The following PP2D1 variants were observed in gnomAD, a reference collection of about 807,000 sequenced individuals.
The protein encoded by PP2D1 is protein phosphatase 2C like domain containing 1, also known as protein phosphatase 2C-like domain-containing protein 1.
Under a neutral mutation model 30.2 loss-of-function variants are expected in PP2D1, and 25 were observed. The ratio of observed to expected loss-of-function variants is 0.83; its 90% CI spans 0.60 to 1.16. PP2D1 has a LOEUF of 1.16. Ranked by LOEUF, PP2D1 falls within the 50% of genes most tolerant of loss-of-function variation. The pLI, the probability that PP2D1 is intolerant of heterozygous loss-of-function variation, is 0.00. For synonymous variants in PP2D1, 260 were observed against 258.9 expected, an observed-to-expected ratio of 1.00 and a Z score of -0.04; for missense variants, 760 against 742.4, an observed-to-expected ratio of 1.02 and a Z score of -0.28.
In PP2D1 at chr3:19,985,643, T is replaced by TA; in HGVS notation, c.1629dup (p.Ile544TyrfsTer3). On this transcript the variant is annotated frameshift_variant, in exon 3 of 3. Coordinates refer to ENST00000389050, the MANE Select transcript of PP2D1 (RefSeq NM_001252657.2). LOFTEE classifies it low-confidence loss of function (END_TRUNC). Reference sequence around the variant, plus strand: ...GTTTCTACATTCTCAGGGTTATAAATACAGTATTTAGAATAGTTTGAATCG... The same window carrying TA: ...GTTTCTACATTCTCAGGGTTATAAATAACAGTATTTAGAATAGTTTGAATCG... The TA allele has an allele frequency of 1.3e-6, 2 of 1,535,922 alleles. No individual in the cohort carries two copies. The highest frequency in any genetic ancestry group is 8.7e-7 in the Non-Finnish European group (1 of 1,146,680).
chr3:19,992,385 A>G (rs1697129211), intron 2 of PP2D1, among the ~76,000 whole-genome samples: 1 of 152,200 alleles, frequency 6.6e-6, no homozygotes, highest in Non-Finnish European at 1.5e-5. Context: ...GGGAAGGTAT[A>G]TAAAATGTCA....
chr3:19,990,402 G>A (rs1321728283), intron 2 of PP2D1, among the ~76,000 whole-genome samples: 1 of 152,178 alleles, frequency 6.6e-6, no homozygotes, highest in Non-Finnish European at 1.5e-5. Context: ...CAAAATGCTT[G>A]GTTTCCCAAA....
Position 19,985,915 on chromosome 3 carries a change from G to C in PP2D1, c.1358C>G (p.Ala453Gly). 1 of 1,536,394 alleles carries C rather than the reference G, an allele frequency of 6.5e-7. No homozygotes were observed. Among genetic ancestry groups the C allele is most frequent in the Non-Finnish European group, 8.7e-7 (1 of 1,146,944 alleles). The change falls in exon 3 of 3, where the codon GCT becomes GGT. Residue 453 changes from alanine (A) to glycine (G), a missense_variant. Around this residue, in one of 3 missense-constraint regions of PP2D1, gnomAD observed 369 missense variants for 316.2 expected, o/e 1.17. Coordinates refer to ENST00000389050, the MANE Select transcript of PP2D1 (RefSeq NM_001252657.2). ...CAAAACTTCCCAAAGTCCATTAGTA[G>C]CTACAATAAGGAATTGACATAGGTC... ...IDDLCQFLIV[A>G]TNGLWEVLDK...
Position 20,001,490 on chromosome 3 carries a change from A to G in PP2D1, c.630T>C (p.His210=). Residue 210 remains histidine, a synonymous_variant, in exon 2 of 3, where the codon CAT becomes CAC. Coordinates refer to ENST00000389050, the MANE Select transcript of PP2D1 (RefSeq NM_001252657.2). The part of the protein sequence containing the change: ...NVCFFGLFDG[H]HGASAAELTS... ...TCAACTCTGCCGCTGAGGCACCGTG[A>G]TGTCCATCAAACAAACCAAAAAAAC... 6.5e-7 allele frequency: 1 copy of G among 1,536,288 alleles called. No homozygotes were observed. Among genetic ancestry groups the G allele is most frequent in the South Asian group, 1.2e-5 (1 of 84,064 alleles).
At chr3:20,010,039 G>T (rs902180854) in intron 1 of PP2D1, among the ~76,000 whole-genome samples, 2 of 151,714 alleles carry the variant, frequency 1.3e-5, no homozygotes, top group Non-Finnish European at 2.9e-5. Flanking sequence ...CACTAGCTTC[G>T]ACTGTCATCA....
At chr3:19,989,961 C>G (rs1046718292) in intron 2 of PP2D1, among the ~76,000 whole-genome samples, 2 of 151,820 alleles carry the variant, frequency 1.3e-5, no homozygotes, top group African/African-American at 2.4e-5. Flanking sequence ...TTTTAGTTAC[C>G]TCTGCAGAGA....
At chr3:19,999,705 T>C (rs952765915) in intron 2 of PP2D1, among the ~76,000 whole-genome samples, 1 of 152,192 alleles carries the variant, frequency 6.6e-6, no homozygotes, top group Admixed American at 6.5e-5. Flanking sequence ...AGACATTTAA[T>C]GACAGTATCC....
chr3:20,012,102 C>A lies in PP2D1; in HGVS notation c.-30G>T. 6.6e-7 allele frequency: 1 copy of A among 1,517,076 alleles called. No homozygotes were observed. The highest frequency in any genetic ancestry group is 8.8e-7 in the Non-Finnish European group (1 of 1,131,504). 94.0% of individuals were successfully genotyped at this position (1,517,076 alleles called of 1,614,324 possible). On this transcript the variant is annotated 5_prime_UTR_variant, in exon 1 of 3. Transcript: ENST00000389050. ...CTTTGGAATTACCTTTCTTTGCCCT[C>A]CCTTTATCCCCTTCCCCTGGCCTCT...
At chr3:19,999,720 A>C (rs147534692) in intron 2 of PP2D1, among the ~76,000 whole-genome samples, 66 of 152,286 alleles carry the variant, frequency 4.3e-4, no homozygotes, top group Middle Eastern at 3.4e-3. Context: ...GTATCCACTT[A>C]TTGAATATGT....
downstream of PP2D1, chr3:19,984,243 T>C (rs1428931387): frequency 1.2e-5 from 5 of 426,270 alleles, no homozygotes; most frequent in Non-Finnish European, 2.3e-5. Context: ...GATTCTAAAG[T>C]TATTTATGAT....
At chr3:20,010,161 T>C (rs943924412) in intron 1 of PP2D1, among the ~76,000 whole-genome samples, 1 of 152,110 alleles carries the variant, frequency 6.6e-6, no homozygotes, top group Non-Finnish European at 1.5e-5. Flanking sequence ...GCAGTAGTGC[T>C]ATCTCGGCTC....
intron 1 of PP2D1, among the ~76,000 whole-genome samples, chr3:20,006,702 T>A (rs1025074513): frequency 1.3e-5 from 2 of 152,102 alleles, no homozygotes; most frequent in Non-Finnish European, 2.9e-5. Flanking sequence ...CCTCATGTGA[T>A]CCACCCGCCC....
intron 2 of PP2D1, among the ~76,000 whole-genome samples, chr3:19,997,798 G>T (rs555766171): frequency 2.0e-5 from 3 of 152,116 alleles, no homozygotes; most frequent in Non-Finnish European, 2.9e-5. Context: ...TCATATGTGG[G>T]TCCTAAAAAT....
intron 2 of PP2D1, among the ~76,000 whole-genome samples, chr3:19,994,658 A>G (rs781681926): frequency 6.6e-6 from 1 of 152,220 alleles, no homozygotes; most frequent in Non-Finnish European, 1.5e-5. Context: ...CTTTCTGGTC[A>G]AGATACAATA....
downstream of PP2D1, chr3:19,983,648 G>T (rs888363615): frequency 1.8e-6 from 2 of 1,122,736 alleles, no homozygotes; most frequent in Non-Finnish European, 2.6e-6. Flanking sequence ...AGATAAGCAG[G>T]TGAAACTGAT....
rs1697262745 is a variant in PP2D1 at position 20,001,996 on chromosome 3, T to C, written c.124A>G (p.Lys42Glu). The C allele has an allele frequency of 6.5e-7, 1 of 1,536,022 alleles. No individual in the cohort carries two copies. The highest frequency in any genetic ancestry group is 2.0e-5 in the Admixed American group (1 of 50,970). ...LPKRKRFRKK[K>E]SRPVRHTKRH... ...TTGGTGTGTCTCACTGGTCTTGACT[T>C]TTTCTTTCTAAAACGTTTTCTTTTG... The change falls in exon 2 of 3, where the codon AAG becomes GAG. Residue 42 changes from lysine (K) to glutamate (E), a missense_variant. This residue lies in a region of PP2D1 where 374 missense variants were observed against 388.8 expected (regional missense o/e 0.96). Coordinates refer to ENST00000389050, the MANE Select transcript of PP2D1 (RefSeq NM_001252657.2).
chr3:19,997,337 T>C (rs1437486436), intron 2 of PP2D1, among the ~76,000 whole-genome samples: 4 of 151,628 alleles, frequency 2.6e-5, no homozygotes, highest in Non-Finnish European at 4.4e-5. Flanking sequence ...TCTGATAAAA[T>C]TCAACATCTC....
chr3:20,000,070 A>G (rs1034276011), intron 2 of PP2D1, among the ~76,000 whole-genome samples: 21 of 152,190 alleles, frequency 1.4e-4, no homozygotes, highest in Non-Finnish European at 2.9e-4. Flanking sequence ...TCTCTGCCAC[A>G]AAGTCCCACT....
At chr3:19,983,855 C>T (rs1696980730), downstream of PP2D1, 1 of 1,395,252 alleles carries the variant, frequency 7.2e-7, no homozygotes, top group African/African-American at 1.4e-5. Flanking sequence ...GAATAGTCTT[C>T]TGCTTCCTAA....
Sources: gnomAD v4.1 joint callset for allele counts (sites outside exome capture counted in the v4.1 genomes callset) on GRCh38, gnomAD v4.1.1 for gene constraint, gnomAD v4.1.1 regional missense constraint, MANE v1.5 for transcripts, NCBI Gene and HGNC (gene_info 2026-07-23, HGNC 2026-07-21) for gene names.